The following RYR1 variants were observed in gnomAD, a reference collection of about 807,000 sequenced individuals.
The protein encoded by RYR1 is ryanodine receptor 1, also known as central core disease of muscle.
In RYR1, 342 loss-of-function variants were observed where a neutral mutation model predicts 583.5. The observed-to-expected ratio is 0.59, with a 90% CI of 0.54 to 0.64. The LOEUF (loss-of-function observed/expected upper bound fraction) is 0.64, where lower values mean the gene tolerates loss of function less well. Among genes scored for constraint, RYR1 ranks in the 30% least tolerant of loss-of-function variants. The pLI is 0.00. For missense variants in RYR1, 6,032 were observed against 6,917.2 expected (o/e 0.87, Z 4.54); for synonymous variants, 2,791 against 2,822.5 (o/e 0.99, Z 0.35).
chr19:38,567,307 C>T (rs558320356), intron 92 of RYR1, among the ~76,000 whole-genome samples: 2 of 151,974 alleles, frequency 1.3e-5, no homozygotes, highest in East Asian at 3.9e-4. Flanking sequence ...GCCTGGGTGA[C>T]AGAGCAAGAC....
chr19:38,484,222 G>A (rs1472812681), intron 33 of RYR1, among the ~76,000 whole-genome samples: 3 of 152,100 alleles, frequency 2.0e-5, no homozygotes, highest in Non-Finnish European at 4.4e-5. Context: ...AACCCAGGAG[G>A]CGGAGGTTGC....
chr19:38,451,622 GA>G, intron 11 of RYR1, 141 bp from the exon 12 acceptor site: 1 of 966,168 alleles, frequency 1.0e-6, no homozygotes, highest in South Asian at 1.3e-5. Flanking sequence ...ACGGGGGACA[GA>G]AAAATGAGGA....
At chr19:38,509,450 A>ATTT (rs534650223) in intron 58 of RYR1, among the ~76,000 whole-genome samples, 158 of 104,292 alleles carry the variant, frequency 1.5e-3, no homozygotes, top group Non-Finnish European at 2.2e-3. Flanking sequence ...TATTATTATT[A>ATTT]TTTTTTTTTT....
intron 39 of RYR1, 108 bp downstream of exon 39, chr19:38,494,733 T>C: frequency 7.1e-7 from 1 of 1,398,690 alleles, no homozygotes; most frequent in Non-Finnish European, 1.0e-6. Flanking sequence ...CTCTGGGTGA[T>C]CTCAGTCTCT....
chr19:38,443,940 G>A, intron 5 of RYR1, 144 bp downstream of exon 5: 1 of 852,636 alleles, frequency 1.2e-6, no homozygotes, highest in Non-Finnish European at 1.9e-6. Context: ...CTGCGGTACA[G>A]TCCAGACAGG....
chr19:38,572,803 A>C (rs1973780204), intron 95 of RYR1, among the ~76,000 whole-genome samples: 1 of 117,520 alleles, frequency 8.5e-6, no homozygotes, highest in Non-Finnish European at 1.8e-5. Flanking sequence ...ATGCCCCTAC[A>C]TCCCAGCCCT....
At chr19:38,525,808 G>A (rs965137772) in intron 71 of RYR1, among the ~76,000 whole-genome samples, 3 of 149,470 alleles carry the variant, frequency 2.0e-5, no homozygotes, top group East Asian at 2.0e-4. Context: ...CCCCCCCACC[G>A]GACCATGCCA....
intron 28 of RYR1, among the ~76,000 whole-genome samples, chr19:38,474,275 T>A (rs1233606365): frequency 7.4e-6 from 1 of 135,408 alleles, no homozygotes; most frequent in South Asian, 2.2e-4. Context: ...TCTTTCTATC[T>A]TTTTTTTTTT....
intron 38 of RYR1, 110 bp downstream of exon 38, chr19:38,492,746 G>C: frequency 8.4e-7 from 1 of 1,184,734 alleles, no homozygotes; most frequent in Non-Finnish European, 1.2e-6. Context: ...GGGAGGGGTA[G>C]ATAGGCAGGA....
intron 1 of RYR1, among the ~76,000 whole-genome samples, chr19:38,434,719 C>T (rs1288772926): frequency 6.6e-6 from 1 of 152,124 alleles, no homozygotes; most frequent in Non-Finnish European, 1.5e-5. Context: ...GCTGCCATCT[C>T]CTTGTCCTTC....
At position 38,527,609 on chromosome 19, in the gene RYR1, G is replaced by A. The variant is rs765918416; in HGVS notation, c.10687-38G>A. ...GACATCCGGCGGACACTGTGGGAAG[G>A]GTCCCTCACGCCGGCCACTCCTTCT... is the stretch of plus-strand genomic sequence containing the variant. On this transcript the variant is annotated intron_variant, in intron 72 of 105. Transcript: ENST00000359596. 4.3e-6 allele frequency: 7 copies of A among 1,612,584 alleles called. No individual in the cohort carries two copies. In the East Asian group the frequency reaches 1.6e-4, roughly 36 times the overall value.
In RYR1 at chr19:38,561,336, T is replaced by A; in HGVS notation, c.12506T>A (p.Ile4169Asn). 1 of 1,613,966 alleles carries A rather than the reference T, an allele frequency of 6.2e-7. No homozygotes were observed. Among genetic ancestry groups the A allele is most frequent in the African/African-American group, 1.3e-5 (1 of 75,064 alleles). The part of the protein sequence containing the change: ...LHNFLELAES[I>N]LEYFRPYLGR... ...AACTTCCTGGAGCTGGCCGAGAGCA[T>A]CCTTGAGTACTTCCGCCCCTACCTG... is the stretch of plus-strand genomic sequence containing the variant. Residue 4169 changes from isoleucine (I) to asparagine (N), a missense_variant, in exon 90 of 106, where the codon ATC becomes AAC. Coordinates refer to ENST00000359596, the MANE Select transcript of RYR1 (RefSeq NM_000540.3). This position sits in a 1 kb window ranked among gnomAD's most constrained non-coding sequence, Gnocchi z 4.8.
rs1970001871 is a variant in RYR1 at position 38,499,534 on chromosome 19, A to T, written c.7028-101A>T. 7.3e-7 allele frequency: 1 copy of T among 1,366,072 alleles called. No homozygotes were observed. The highest frequency in any genetic ancestry group is 1.0e-6 in the Non-Finnish European group (1 of 987,816). The allele number at this position is 1,366,072 out of a possible 1,614,324, so 84.6% of individuals were successfully genotyped here. A position where few individuals can be genotyped will look rare whatever the true frequency, so the allele number is the denominator to read the frequency against. ...TGGAGGTGTTGGGTCCTGGAGCTGG[A>T]TGGGACCTGTGTTACCCCTGGAGGT... On this transcript the variant is annotated intron_variant, in intron 43 of 105. Coordinates refer to ENST00000359596, the MANE Select transcript of RYR1 (RefSeq NM_000540.3). This position sits in a 1 kb window ranked among gnomAD's most constrained non-coding sequence, Gnocchi z 7.3.
Position 38,460,600 on chromosome 19 carries a change from T to C in RYR1, c.2577+9T>C. On this transcript the variant is annotated intron_variant, in intron 20 of 105. Transcript: ENST00000359596. The stretch of plus-strand genomic sequence containing the variant: ...CTGTGGACACTGTCCAGGTACTGCC[T>C]GCCCTGCAAAGGTTTTCTGGCGAGG... 1.9e-6 allele frequency: 3 copies of C among 1,608,372 alleles called. No individual in the cohort carries two copies. The highest frequency in any genetic ancestry group is 1.7e-6 in the Non-Finnish European group (2 of 1,179,396).
chr19:38,575,069 T>C (rs979381846), intron 96 of RYR1, among the ~76,000 whole-genome samples: 1 of 149,006 alleles, frequency 6.7e-6, no homozygotes, highest in Non-Finnish European at 1.5e-5. Context: ...TCGTTGGCCA[T>C]ATTTGAGGAT....
chr19:38,565,322 A>G lies in RYR1; in HGVS notation c.12988A>G (p.Thr4330Ala). 1.7e-6 allele frequency: 2 copies of G among 1,168,926 alleles called. No homozygotes were observed. The highest frequency in any genetic ancestry group is 1.1e-6 in the Non-Finnish European group (1 of 948,670). 72.4% of individuals were successfully genotyped at this position (1,168,926 alleles called of 1,614,324 possible). ...GCGGCTTACGGCCCGCGAGGCGGCC[A>G]CCGCAGTGGCGGCGCTGCTCTGGGC... ...LRRLTAREAA[T>A]AVAALLWAAV... Residue 4330 changes from threonine (T) to alanine (A), a missense_variant, in exon 91 of 106, where the codon ACC (threonine) becomes GCC (alanine). This residue lies in a region of RYR1 where 753 missense variants were observed against 759.6 expected (regional missense o/e 0.99). Coordinates refer to ENST00000359596, the MANE Select transcript of RYR1 (RefSeq NM_000540.3). The surrounding 1 kb of genome is among the most constrained non-coding windows in gnomAD (Gnocchi z 4.7).
rs372653432 is a variant in RYR1, at chr19:38,521,761, C to A, written c.10260-1267C>A. ...ATGGAGTCTCGCCCAGGCTGGGGTG[C>A]AGTGGTGCGATCTCTGCTCACTGCA... is the stretch of plus-strand genomic sequence containing the variant. On this transcript the variant is annotated intron_variant, in intron 67 of 105. Transcript: ENST00000359596. 4.9e-5 allele frequency among the ~76,000 whole-genome samples: 7 copies of A among 141,972 alleles called. No homozygotes were observed. In the East Asian group the frequency reaches 8.3e-4, roughly 17 times the overall value. The allele number at this position is 141,972 out of a possible 152,430, so 93.1% of individuals were successfully genotyped here.
chr19:38,494,204 G>T, intron 38 of RYR1, 148 bp from the exon 39 acceptor site: 1 of 837,798 alleles, frequency 1.2e-6, no homozygotes, highest in Non-Finnish European at 2.0e-6. Context: ...GCTAGAATCT[G>T]CCTGCTCCCA....
chr19:38,568,114 C>T (rs181107880), intron 93 of RYR1, among the ~76,000 whole-genome samples, 197 bp downstream of exon 93: 1 of 152,338 alleles, frequency 6.6e-6, no homozygotes, highest in East Asian at 1.9e-4. Flanking sequence ...CACTTGGTTC[C>T]TTGTCCCTTC....
Sources: gnomAD v4.1 joint callset for allele counts (sites outside exome capture counted in the v4.1 genomes callset) on GRCh38, gnomAD v4.1.1 for gene constraint, gnomAD v4.1.1 regional missense constraint, Gnocchi (gnomAD v3.1) non-coding constraint, MANE v1.5 for transcripts, NCBI Gene and HGNC (gene_info 2026-07-23, HGNC 2026-07-21) for gene names.